EIF4G3: variants seen among roughly 807,000 people sequenced by gnomAD.
The protein encoded by EIF4G3 is eIF-4-gamma 3.
EIF4G3 carries 34 observed loss-of-function variants against 186.4 expected under a neutral mutation model. The observed-to-expected ratio is 0.18, with a 90% CI of 0.14 to 0.24. The LOEUF (loss-of-function observed/expected upper bound fraction) is 0.24. Ranked by LOEUF, EIF4G3 falls within the 10% of genes least tolerant of loss-of-function variation. The pLI is 1.00. For synonymous variants in EIF4G3, 673 were observed against 679.5 expected (o/e 0.99, Z 0.15); for missense variants, 1,536 against 1,948.5 (o/e 0.79, Z 3.99).
intron 17 of EIF4G3, among the ~76,000 whole-genome samples, chr1:20,893,951 G>A (rs1422192662): frequency 6.7e-6 from 1 of 149,874 alleles, no homozygotes; most frequent in African/African-American, 2.5e-5. Flanking sequence ...GATATTTTGA[G>A]ATCCTCTATA....
At chr1:21,090,766 A>G (rs891642112) in intron 2 of EIF4G3, among the ~76,000 whole-genome samples, 3 of 152,248 alleles carry the variant, frequency 2.0e-5, no homozygotes, top group African/African-American at 7.2e-5. Context: ...AATGTTCAGC[A>G]TAAGCAATAT....
chr1:21,123,870 C>G, intron 2 of EIF4G3, among the ~76,000 whole-genome samples: 1 of 152,158 alleles, frequency 6.6e-6, no homozygotes, highest in East Asian at 1.9e-4. Context: ...TTCTAAGAGA[C>G]AGAATTGCTA....
At position 21,132,948 on chromosome 1, in the gene EIF4G3, A is replaced by G. The variant is rs1227816521; in HGVS notation, c.-272+43227T>C. Among the ~76,000 whole-genome samples, 4 of 151,166 alleles carry G rather than the reference A, an allele frequency of 2.6e-5. No individual in the cohort carries two copies. In the East Asian group the frequency reaches 5.9e-4, roughly 22 times the overall value. On this transcript the variant is annotated intron_variant, in intron 2 of 36. Transcript: ENST00000602326. ...CAGGTGTGCACCACCACGCCCAGCT[A>G]ATTTTTGTATTTTTAGTAGAGATGG...
intron 4 of EIF4G3, among the ~76,000 whole-genome samples, chr1:21,006,760 A>C (rs2085195763): frequency 1.3e-5 from 2 of 152,342 alleles, no homozygotes; most frequent in South Asian, 4.1e-4. Context: ...TTATAAGACA[A>C]AACAAACACA....
chr1:21,011,073 T>C (rs1557494369), intron 4 of EIF4G3, among the ~76,000 whole-genome samples: 1 of 152,156 alleles, frequency 6.6e-6, no homozygotes, highest in Non-Finnish European at 1.5e-5. Flanking sequence ...ATGTAGCTAC[T>C]AGTAAATCTT....
chr1:20,899,773 A>C lies in EIF4G3; in HGVS notation c.1923T>G (p.Ser641=), dbSNP rs1490303401. 1.1e-5 allele frequency: 17 copies of C among 1,614,068 alleles called. No homozygotes were observed. The highest frequency in any genetic ancestry group is 1.4e-5 in the Non-Finnish European group (16 of 1,180,024). ...AATTAGCATCTATTCCTTCACCCTC[A>C]GAAACACTCTCAGCACCATTACGTA... ...EPVRNGAESV[S]EGEGIDANSG... is the part of the protein sequence containing the mutation. Residue 641 remains serine (S), a synonymous_variant, in exon 16 of 37, where the codon TCT becomes TCG. Transcript: ENST00000602326.
chr1:21,031,384 CAA>C (rs35183246), intron 4 of EIF4G3, among the ~76,000 whole-genome samples: 66 of 73,274 alleles, frequency 9.0e-4, no homozygotes, highest in Middle Eastern at 0.024. Flanking sequence ...GGAATGATGG[CAA>C]AAAAAAAAAA....
chr1:20,819,735 T>C (rs1212598114), intron 33 of EIF4G3, among the ~76,000 whole-genome samples: 1 of 152,176 alleles, frequency 6.6e-6, no homozygotes, highest in Non-Finnish European at 1.5e-5. Flanking sequence ...TAATAGGTAC[T>C]AGGCTTAATA....
chr1:21,130,599 C>T (rs11805883), intron 2 of EIF4G3, among the ~76,000 whole-genome samples: 3,005 of 152,196 alleles, frequency 0.02, 27 homozygotes, highest in Non-Finnish European at 0.023. Flanking sequence ...ATAAATGCTA[C>T]TTATCTCAGT....
chr1:21,122,739 A>T (rs573771008), intron 2 of EIF4G3, among the ~76,000 whole-genome samples: 3 of 152,178 alleles, frequency 2.0e-5, no homozygotes, highest in Admixed American at 1.3e-4. Context: ...CACAATTTAA[A>T]TGTGTGAAAA....
intron 3 of EIF4G3, among the ~76,000 whole-genome samples, chr1:21,073,386 C>T (rs1210187944): frequency 6.6e-6 from 1 of 151,964 alleles, no homozygotes; most frequent in Non-Finnish European, 1.5e-5. Context: ...TTGCATTAAC[C>T]ACGTTTCAAG....
At chr1:21,136,223 A>C (rs1316643105) in intron 2 of EIF4G3, among the ~76,000 whole-genome samples, 1 of 146,562 alleles carries the variant, frequency 6.8e-6, no homozygotes, top group Non-Finnish European at 1.5e-5. Flanking sequence ...TGCCAAAGGG[A>C]AAAAAAAAGA....
chr1:20,916,242 C>T (rs953074438), intron 14 of EIF4G3, among the ~76,000 whole-genome samples: 1 of 151,922 alleles, frequency 6.6e-6, no homozygotes, highest in Admixed American at 6.6e-5. Flanking sequence ...GTCAGGAGAT[C>T]GAGACCATCC....
chr1:20,821,266 A>T (rs527463205), intron 33 of EIF4G3, among the ~76,000 whole-genome samples: 3 of 152,344 alleles, frequency 2.0e-5, no homozygotes, highest in Admixed American at 6.5e-5. Flanking sequence ...ATCCTTGGAA[A>T]ATGAAGTCCT....
intron 14 of EIF4G3, among the ~76,000 whole-genome samples, chr1:20,908,402 T>C (rs1250541297): frequency 6.6e-6 from 1 of 152,162 alleles, no homozygotes; most frequent in Non-Finnish European, 1.5e-5. Context: ...AACAGACATG[T>C]TTAATCATTG....
At chr1:21,085,696 C>T (rs938309287) in intron 3 of EIF4G3, among the ~76,000 whole-genome samples, 1 of 152,008 alleles carries the variant, frequency 6.6e-6, no homozygotes, top group Non-Finnish European at 1.5e-5. Context: ...CACAATCAGC[C>T]AAAGGTTATT....
rs549474052 is a variant in EIF4G3, at chr1:20,931,947, A to G, written c.1663+9544T>C. On this transcript the variant is annotated intron_variant, in intron 14 of 36. Transcript: ENST00000602326. ...TTAAAAAAAAAAAAAGAAAGTAGGT[A>G]GATGGTTTCTTCTAACATAAGGCGG... Among the ~76,000 whole-genome samples, 11 of 152,008 alleles carry G rather than the reference A, an allele frequency of 7.2e-5. No individual in the cohort carries two copies. In the South Asian group the frequency reaches 2.3e-3, roughly 32 times the overall value.
intron 20 of EIF4G3, among the ~76,000 whole-genome samples, chr1:20,869,640 T>A (rs1248981925): frequency 6.6e-6 from 1 of 151,792 alleles, no homozygotes; most frequent in Non-Finnish European, 1.5e-5. Flanking sequence ...CTGGGCGTGG[T>A]GGCGGGCGCC....
intron 14 of EIF4G3, among the ~76,000 whole-genome samples, chr1:20,913,002 G>T (rs1477502396): frequency 6.6e-6 from 1 of 152,122 alleles, no homozygotes; most frequent in South Asian, 2.1e-4. Context: ...TAACAATGGC[G>T]ATGAAATATG....
Sources: allele counts gnomAD v4.1 joint callset (sites outside exome capture counted in the v4.1 genomes callset), GRCh38; gene constraint gnomAD v4.1.1; transcripts MANE v1.5; gene names NCBI Gene and HGNC (gene_info 2026-07-23, HGNC 2026-07-21).